GRID2: variants seen among roughly 807,000 people sequenced by gnomAD.
GRID2 encodes the protein glutamate ionotropic receptor delta type subunit 2.
A neutral mutation model predicts 114.8 loss-of-function variants in GRID2; 33 were observed. That is an observed-to-expected ratio of 0.29 (90% confidence interval 0.22 to 0.38). GRID2 has a LOEUF of 0.38. GRID2 is among the 10% of genes least tolerant of loss of function. The probability of loss-of-function intolerance (pLI) is 1.00; values close to 1 mark genes in which losing one functional copy is unlikely to be tolerated. For synonymous variants in GRID2, 505 were observed against 449.9 expected (o/e 1.12, Z -1.55); for missense variants, 1,184 against 1,257.7 (o/e 0.94, Z 0.89).
At chr4:93,079,452 G>T (rs570553991) in intron 2 of GRID2, among the ~76,000 whole-genome samples, 2 of 151,200 alleles carry the variant, frequency 1.3e-5, no homozygotes, top group Non-Finnish European at 3.0e-5. Flanking sequence ...TTGTAATAAG[G>T]GAGAGTTAAA....
chr4:93,347,364 T>C (rs897273657), intron 8 of GRID2, among the ~76,000 whole-genome samples: 3 of 152,106 alleles, frequency 2.0e-5, no homozygotes, highest in African/African-American at 7.2e-5. Flanking sequence ...AATTTGTAAG[T>C]ACATCAAAAC....
intron 8 of GRID2, among the ~76,000 whole-genome samples, chr4:93,343,908 A>G (rs1167310267): frequency 1.3e-5 from 2 of 152,254 alleles, no homozygotes; most frequent in Middle Eastern, 3.4e-3. Context: ...ATTCTTGAAC[A>G]TTTAATCTGT....
chr4:93,741,192 T>TATATATATATATAC (rs1553994867), intron 14 of GRID2, among the ~76,000 whole-genome samples: 1 of 29,884 alleles, frequency 3.3e-5, no homozygotes, highest in South Asian at 1.2e-3. Flanking sequence ...TATATATATA[T>TATATATATATATAC]ATATATATGT....
intron 11 of GRID2, among the ~76,000 whole-genome samples, chr4:93,485,737 C>CAG (rs1451623885): frequency 7.9e-5 from 12 of 151,726 alleles, no homozygotes; most frequent in South Asian, 2.1e-4. Context: ...CCTTGTACAA[C>CAG]TAACCAACTG....
At chr4:92,390,387 G>A (rs1053882927) in intron 1 of GRID2, among the ~76,000 whole-genome samples, 4 of 152,068 alleles carry the variant, frequency 2.6e-5, no homozygotes, top group African/African-American at 9.7e-5. Context: ...AATTTGCATT[G>A]TTAGTAATAA....
At chr4:92,796,970 G>C (rs1033350748) in intron 2 of GRID2, among the ~76,000 whole-genome samples, 1 of 151,928 alleles carries the variant, frequency 6.6e-6, no homozygotes, top group Middle Eastern at 3.4e-3. Flanking sequence ...TTTTGCACTT[G>C]CTTGCACAGT....
chr4:93,556,637 A>G (rs992784170), intron 13 of GRID2, among the ~76,000 whole-genome samples: 3 of 152,216 alleles, frequency 2.0e-5, no homozygotes, highest in East Asian at 1.9e-4. Context: ...GTGTACCTCA[A>G]TGTGACAGGG....
At chr4:92,713,504 T>TAC (rs1560547993) in intron 2 of GRID2, among the ~76,000 whole-genome samples, 1 of 134,948 alleles carries the variant, frequency 7.4e-6, no homozygotes, top group Non-Finnish European at 1.6e-5. Flanking sequence ...TATATATATA[T>TAC]ATATATATAT....
At chr4:93,663,844 G>A (rs538343904) in intron 14 of GRID2, among the ~76,000 whole-genome samples, 1 of 152,324 alleles carries the variant, frequency 6.6e-6, no homozygotes, top group South Asian at 2.1e-4. Context: ...ATCTCAGTGA[G>A]AAAATGTGGG....
At position 92,632,221 on chromosome 4, in the gene GRID2, A is replaced by G. The variant is rs537752824; in HGVS notation, c.244+41935A>G. Among the ~76,000 whole-genome samples, 12 of 152,276 alleles carry G rather than the reference A, an allele frequency of 7.9e-5. No homozygotes were observed. The East Asian group carries it at 2.3e-3, about 29-fold the overall frequency. ...AGCTGTTTTTTGGAATTAGACTATT[A>G]TCACTTTTATCACATATTAAAATAA... On this transcript the variant is annotated intron_variant, in intron 2 of 15. Transcript: ENST00000282020.
At chr4:93,793,416 T>C (rs1190227815) in intron 1 of GRID2, among the ~76,000 whole-genome samples, 2 of 152,180 alleles carry the variant, frequency 1.3e-5, no homozygotes, top group Admixed American at 6.5e-5. Flanking sequence ...TAAAGACCAT[T>C]GTTCTAGAAC....
chr4:93,223,593 C>T (rs1344663214), intron 6 of GRID2, among the ~76,000 whole-genome samples: 4 of 151,950 alleles, frequency 2.6e-5, no homozygotes, highest in Non-Finnish European at 4.4e-5. Flanking sequence ...TAGGAAAAAC[C>T]GTGATAACAA....
At chr4:93,209,234 TC>T (rs1743169636) in intron 5 of GRID2, among the ~76,000 whole-genome samples, 1 of 151,992 alleles carries the variant, frequency 6.6e-6, no homozygotes, top group East Asian at 1.9e-4. Flanking sequence ...TTTTTCCTGT[TC>T]CTTTTCTTCT....
chr4:92,509,169 A>G (rs1724119654), intron 1 of GRID2, among the ~76,000 whole-genome samples: 1 of 151,982 alleles, frequency 6.6e-6, no homozygotes, highest in African/African-American at 2.4e-5. Flanking sequence ...TACTGTGTTT[A>G]TAACATGAGC....
chr4:92,965,292 A>G (rs1475667034), intron 2 of GRID2, among the ~76,000 whole-genome samples: 2 of 151,680 alleles, frequency 1.3e-5, no homozygotes, highest in Non-Finnish European at 2.9e-5. Flanking sequence ...ATCACTGACT[A>G]TAGATCACCA....
chr4:92,308,739 A>AT lies in GRID2; in HGVS notation c.88+4006dup, dbSNP rs199545915. Among the ~76,000 whole-genome samples the AT allele has an allele frequency of 1.6e-3, 236 of 146,306 alleles. 2 individuals carry two copies. Among genetic ancestry groups the AT allele is most frequent in the East Asian group, 0.011 (57 of 5,054 alleles). On this transcript the variant is annotated intron_variant, in intron 1 of 15. Transcript: ENST00000282020. ...CCAGAAGATGTGCTGTTCTTTTACC[A>AT]TTTTTTTTTTTCAGTTGACTACATG...
chr4:92,761,417 G>A (rs902041689), intron 2 of GRID2, among the ~76,000 whole-genome samples: 3 of 152,076 alleles, frequency 2.0e-5, no homozygotes, highest in African/African-American at 7.2e-5. Context: ...GCTCTATTTA[G>A]TCAGATATAA....
chr4:93,343,539 A>C (rs1463997494), intron 8 of GRID2, among the ~76,000 whole-genome samples: 1 of 152,166 alleles, frequency 6.6e-6, no homozygotes, highest in Admixed American at 6.6e-5. Context: ...TAATCTTTAG[A>C]GTCCTTCATT....
At chr4:92,527,043 A>G (rs79400874) in intron 1 of GRID2, among the ~76,000 whole-genome samples, 1,603 of 152,020 alleles carry the variant, frequency 0.011, 24 homozygotes, top group African/African-American at 0.037. Context: ...TGTTAACATC[A>G]AGGGATGAGG....
Sources: gnomAD v4.1 joint callset for allele counts (sites outside exome capture counted in the v4.1 genomes callset) on GRCh38, gnomAD v4.1.1 for gene constraint, MANE v1.5 for transcripts, NCBI Gene and HGNC (gene_info 2026-07-23, HGNC 2026-07-21) for gene names.